The following CDC42BPA variants were observed in gnomAD, a reference collection of about 807,000 sequenced individuals.
CDC42BPA encodes serine/threonine-protein kinase MRCK alpha.
In CDC42BPA, 80 loss-of-function variants were observed where a neutral mutation model predicts 223.5. The ratio of observed to expected loss-of-function variants is 0.36; its 90% confidence interval spans 0.30 to 0.43. The LOEUF (loss-of-function observed/expected upper bound fraction) is 0.43. Among genes scored for constraint, CDC42BPA ranks in the 20% least tolerant of loss-of-function variants. The pLI, the probability that CDC42BPA is intolerant of heterozygous loss-of-function variation, is 1.00. For synonymous variants in CDC42BPA, 694 were observed against 718.6 expected (o/e 0.97, Z 0.55); for missense variants, 1,743 against 2,099.9 (o/e 0.83, Z 3.32).
chr1:227,086,447 G>T (rs1429464216), intron 16 of CDC42BPA, among the ~76,000 whole-genome samples: 1 of 152,116 alleles, frequency 6.6e-6, no homozygotes, highest in South Asian at 2.1e-4. Context: ...TGAGCAGTGT[G>T]TAAGTTCTAG....
chr1:227,154,845 G>C (rs1662426590), intron 6 of CDC42BPA, among the ~76,000 whole-genome samples: 1 of 152,006 alleles, frequency 6.6e-6, no homozygotes, highest in Non-Finnish European at 1.5e-5. Context: ...TGTTTATGAA[G>C]GATTGTTCAC....
Position 227,029,342 on chromosome 1 carries a change from T to G in CDC42BPA, c.3839-92A>C, listed in dbSNP as rs544127432. The G allele has an allele frequency of 3.4e-4, 267 of 778,830 alleles. 2 individuals are homozygous for G. In the East Asian group the frequency reaches 7.0e-3, roughly 21 times the overall value. The allele number at this position is 778,830 out of a possible 1,614,324, so 48.2% of individuals were successfully genotyped here. ...AAAAGGATGTAAGTCAACTTACAGA[T>G]GCACATACGGAAGAATAAGACATCA... On this transcript the variant is annotated intron_variant, in intron 29 of 36. Coordinates refer to ENST00000366766, the MANE Select transcript of CDC42BPA (RefSeq NM_001394014.1).
intron 11 of CDC42BPA, among the ~76,000 whole-genome samples, chr1:227,122,846 C>G (rs1434440763): frequency 1.3e-5 from 2 of 152,116 alleles, no homozygotes. Flanking sequence ...TGGTCAAATA[C>G]TATAAAATGA....
intron 1 of CDC42BPA, among the ~76,000 whole-genome samples, chr1:227,312,401 T>C (rs1341923702): frequency 6.6e-6 from 1 of 152,252 alleles, no homozygotes; most frequent in Admixed American, 6.5e-5. Context: ...CTAGGAATTA[T>C]GGGACATTTC....
chr1:227,308,782 G>C (rs1239978864), intron 1 of CDC42BPA, among the ~76,000 whole-genome samples: 1 of 152,160 alleles, frequency 6.6e-6, no homozygotes, highest in Non-Finnish European at 1.5e-5. Flanking sequence ...TCTACTTGTA[G>C]ATATTCACCA....
chr1:227,295,363 T>C (rs546455470), intron 1 of CDC42BPA, among the ~76,000 whole-genome samples: 1 of 152,196 alleles, frequency 6.6e-6, no homozygotes, highest in South Asian at 2.1e-4. Context: ...TTTCACCATG[T>C]TGCCCGGCTG....
At position 227,145,526 on chromosome 1, in the gene CDC42BPA, G is replaced by A. The variant is rs1660563874; in HGVS notation, c.1106C>T (p.Ser369Leu). 1 of 1,613,140 alleles carries A rather than the reference G, an allele frequency of 6.2e-7. No homozygotes were observed. Among genetic ancestry groups the A allele is most frequent in the Non-Finnish European group, 8.5e-7 (1 of 1,179,412 alleles). The change falls in exon 8 of 37, where the codon TCG becomes TTG. Residue 369 changes from serine to leucine, a missense_variant. Ser to Leu is a moderately radical substitution (Grantham distance 145). Around this residue, in one of 6 missense-constraint regions of CDC42BPA, gnomAD observed 321 missense variants for 488.7 expected, o/e 0.66. Transcript: ENST00000366766. The stretch of plus-strand genomic sequence containing the variant: ...ACAATCATCATCTACATCAAAATTC[G>A]ATGTATCTGTTGGGCTACTAACTTC... The part of the protein sequence containing the change: ...IPEVSSPTDT[S>L]NFDVDDDCLK...
intron 2 of CDC42BPA, among the ~76,000 whole-genome samples, chr1:227,240,907 C>T (rs919160272): frequency 4.6e-5 from 7 of 151,800 alleles, no homozygotes; most frequent in African/African-American, 1.7e-4. Flanking sequence ...AAATTGAAAA[C>T]TTCTGCTCTA....
chr1:227,097,715 C>A (rs1684266670), intron 15 of CDC42BPA, among the ~76,000 whole-genome samples: 1 of 152,152 alleles, frequency 6.6e-6, no homozygotes, highest in Non-Finnish European at 1.5e-5. Flanking sequence ...TGGCATATGA[C>A]CTTCTTCTAG....
chr1:227,208,963 C>T (rs1049073504), intron 3 of CDC42BPA, among the ~76,000 whole-genome samples: 93 of 151,956 alleles, frequency 6.1e-4, no homozygotes, highest in Middle Eastern at 3.4e-3. Flanking sequence ...GCCATTTTCA[C>T]GATATTGATT....
At chr1:227,227,443 T>G (rs947806053) in intron 2 of CDC42BPA, among the ~76,000 whole-genome samples, 1 of 152,180 alleles carries the variant, frequency 6.6e-6, no homozygotes, top group Admixed American at 6.5e-5. Context: ...GAGACTAACA[T>G]TCATATGAAA....
intron 19 of CDC42BPA, 71 bp downstream of exon 19, chr1:227,073,793 T>C: frequency 1.6e-6 from 2 of 1,243,916 alleles, no homozygotes; most frequent in South Asian, 1.6e-5. Context: ...AAACTAAACA[T>C]GTAACTTCTC....
intron 27 of CDC42BPA, among the ~76,000 whole-genome samples, chr1:227,031,859 T>C (rs1402873100): frequency 2.0e-5 from 3 of 152,210 alleles, no homozygotes; most frequent in Admixed American, 1.3e-4. Context: ...CTAAGCACTT[T>C]ACAAGTATTA....
At chr1:227,292,249 G>A (rs1337243382) in intron 1 of CDC42BPA, among the ~76,000 whole-genome samples, 2 of 152,086 alleles carry the variant, frequency 1.3e-5, no homozygotes, top group Non-Finnish European at 2.9e-5. Context: ...CCAAAGTGCT[G>A]GGATTACAGG....
At chr1:227,133,727 G>C (rs904516570) in intron 10 of CDC42BPA, among the ~76,000 whole-genome samples, 4 of 152,006 alleles carry the variant, frequency 2.6e-5, no homozygotes, top group African/African-American at 9.7e-5. Context: ...ATTAAGGGCG[G>C]TGCAAGATGT....
intron 21 of CDC42BPA, among the ~76,000 whole-genome samples, chr1:227,055,531 T>A (rs1159556852): frequency 6.6e-6 from 1 of 152,142 alleles, no homozygotes; most frequent in Non-Finnish European, 1.5e-5. Flanking sequence ...GACTCTGATA[T>A]AGTATAGCAG....
At chr1:227,099,979 A>G (rs1369297180) in intron 15 of CDC42BPA, among the ~76,000 whole-genome samples, 3 of 152,174 alleles carry the variant, frequency 2.0e-5, no homozygotes, top group Non-Finnish European at 4.4e-5. Flanking sequence ...TCCCTACAAC[A>G]GTGCGTCAGA....
intron 1 of CDC42BPA, among the ~76,000 whole-genome samples, chr1:227,272,556 G>C (rs1686132178): frequency 6.6e-6 from 1 of 152,028 alleles, no homozygotes; most frequent in Admixed American, 6.5e-5. Context: ...AGAAAAAAAA[G>C]AACACTATAA....
Position 227,031,365 on chromosome 1 carries a change from A to G in CDC42BPA, c.3708T>C (p.Tyr1236=), listed in dbSNP as rs768264929. 6.2e-7 allele frequency: 1 copy of G among 1,614,004 alleles called. No homozygotes were observed. The highest frequency in any genetic ancestry group is 1.3e-5 in the African/African-American group (1 of 74,908). Residue 1236 remains tyrosine (Y), a synonymous_variant, in exon 28 of 37, where the codon TAT becomes TAC. Transcript: ENST00000366766. Reference sequence around the variant, plus strand: ...TGCTGTCATAAGCCTCTTTGGGAACATAGACTGAGCGGTCTCTGAATTTGT... The same window carrying G: ...TGCTGTCATAAGCCTCTTTGGGAACGTAGACTGAGCGGTCTCTGAATTTGT... ...KKNKFRDRSV[Y]VPKEAYDSTL...
Sources: gnomAD v4.1 joint callset for allele counts (sites outside exome capture counted in the v4.1 genomes callset) on GRCh38, gnomAD v4.1.1 for gene constraint, gnomAD v4.1.1 regional missense constraint, MANE v1.5 for transcripts, NCBI Gene and HGNC (gene_info 2026-07-23, HGNC 2026-07-21) for gene names.